KHDRBS3: variants seen among roughly 807,000 people sequenced by gnomAD.
KHDRBS3 encodes KH domain-containing, RNA-binding, signal transduction-associated protein 3.
Under a neutral mutation model 45.6 loss-of-function variants are expected in KHDRBS3, and 23 were observed. The observed-to-expected ratio is 0.50, with a 90% CI of 0.36 to 0.72. The LOEUF (loss-of-function observed/expected upper bound fraction) is 0.72, where lower values mean the gene tolerates loss of function less well. Among genes scored for constraint, KHDRBS3 ranks in the 30% least tolerant of loss-of-function variants. KHDRBS3 has a pLI of 0.00. For synonymous variants in KHDRBS3, 162 were observed against 156.5 expected (o/e 1.04, Z -0.26); for missense variants, 352 against 424.8 (o/e 0.83, Z 1.51).
At chr8:135,465,664 T>C (rs1175682526) in intron 1 of KHDRBS3, among the ~76,000 whole-genome samples, 1 of 152,214 alleles carries the variant, frequency 6.6e-6, no homozygotes, top group African/African-American at 2.4e-5. Context: ...AAAACATGTC[T>C]GGACACCCAG....
chr8:135,470,845 G>C (rs1244913972), intron 1 of KHDRBS3, among the ~76,000 whole-genome samples: 1 of 152,074 alleles, frequency 6.6e-6, no homozygotes, highest in African/African-American at 2.4e-5. Context: ...CTCGGCCTCT[G>C]AAAGTGCTGG....
intron 2 of KHDRBS3, among the ~76,000 whole-genome samples, chr8:135,534,944 A>G (rs1825660185): frequency 6.6e-6 from 1 of 152,216 alleles, no homozygotes; most frequent in Admixed American, 6.5e-5. Flanking sequence ...CAGGCAAACC[A>G]GCAGGAACTG....
chr8:135,548,512 G>A (rs559376374), intron 3 of KHDRBS3, among the ~76,000 whole-genome samples: 12 of 152,248 alleles, frequency 7.9e-5, no homozygotes, highest in African/African-American at 2.4e-4. Flanking sequence ...ACAAGTCAGC[G>A]TCTGGAGTGG....
chr8:135,528,641 G>C (rs1825314365), intron 2 of KHDRBS3, among the ~76,000 whole-genome samples: 1 of 152,118 alleles, frequency 6.6e-6, no homozygotes, highest in African/African-American at 2.4e-5. Context: ...AGACCTTTGT[G>C]GTGCTATAGC....
chr8:135,472,173 A>G, intron 1 of KHDRBS3, among the ~76,000 whole-genome samples: 1 of 152,196 alleles, frequency 6.6e-6, no homozygotes, highest in Non-Finnish European at 1.5e-5. Flanking sequence ...CATTTTTCAG[A>G]TAGGTGTACC....
chr8:135,531,138 T>C (rs963409032), intron 2 of KHDRBS3, among the ~76,000 whole-genome samples: 1 of 152,214 alleles, frequency 6.6e-6, no homozygotes, highest in African/African-American at 2.4e-5. Flanking sequence ...TTTCAGATTG[T>C]ATATTACTTG....
intron 7 of KHDRBS3, among the ~76,000 whole-genome samples, chr8:135,632,634 T>C (rs908549365): frequency 6.6e-6 from 1 of 152,034 alleles, no homozygotes; most frequent in Non-Finnish European, 1.5e-5. Context: ...GCTATCCTCT[T>C]CCCTTTCTCT....
intron 2 of KHDRBS3, among the ~76,000 whole-genome samples, chr8:135,528,440 A>AG (rs1825303237): frequency 1.3e-5 from 2 of 152,214 alleles, no homozygotes; most frequent in Admixed American, 1.3e-4. Flanking sequence ...TTTTACAGTC[A>AG]TAGAGATATG....
intron 7 of KHDRBS3, among the ~76,000 whole-genome samples, chr8:135,609,412 A>G (rs1194744181): frequency 6.6e-6 from 1 of 151,702 alleles, no homozygotes; most frequent in African/African-American, 2.4e-5. Context: ...CTTGTGCCTC[A>G]ACCTCCGGAG....
intron 1 of KHDRBS3, among the ~76,000 whole-genome samples, chr8:135,517,364 G>A (rs1446293762): frequency 1.3e-5 from 2 of 152,114 alleles, no homozygotes; most frequent in East Asian, 3.9e-4. Context: ...GTTAACTAGA[G>A]GGTCACATCC....
At chr8:135,654,042 C>A (rs952772199) in intron 4 of KHDRBS3, among the ~76,000 whole-genome samples, 79 of 152,100 alleles carry the variant, frequency 5.2e-4, no homozygotes, top group African/African-American at 1.8e-3. Context: ...ATGTATCTTT[C>A]CAGAGATAGT....
chr8:135,594,204 C>T (rs1828873316), intron 6 of KHDRBS3, among the ~76,000 whole-genome samples: 1 of 152,140 alleles, frequency 6.6e-6, no homozygotes, highest in Admixed American at 6.5e-5. Context: ...AATTAAAAAG[C>T]AATTTTAAAA....
intron 7 of KHDRBS3, among the ~76,000 whole-genome samples, chr8:135,639,065 G>T (rs1042038587): frequency 1.3e-5 from 2 of 152,164 alleles, no homozygotes; most frequent in Non-Finnish European, 2.9e-5. Context: ...CAAGGAAGAG[G>T]TGTAGTAATC....
At chr8:135,555,425 T>C (rs919493552) in intron 4 of KHDRBS3, among the ~76,000 whole-genome samples, 1 of 151,980 alleles carries the variant, frequency 6.6e-6, no homozygotes, top group African/African-American at 2.4e-5. Context: ...TAGTGTATTT[T>C]GTGTGTGGCC....
chr8:135,596,883 A>G (rs1243116840), intron 6 of KHDRBS3, among the ~76,000 whole-genome samples: 1 of 152,154 alleles, frequency 6.6e-6, no homozygotes, highest in African/African-American at 2.4e-5. Flanking sequence ...GACCCTGAGC[A>G]CAAAGTCTCT....
At chr8:135,459,912 A>G (rs1487674068) in intron 1 of KHDRBS3, among the ~76,000 whole-genome samples, 1 of 152,248 alleles carries the variant, frequency 6.6e-6, no homozygotes, top group African/African-American at 2.4e-5. Flanking sequence ...AGTAATTCTT[A>G]TAAGAAGTAT....
At chr8:135,463,278 T>C (rs1243438628) in intron 1 of KHDRBS3, among the ~76,000 whole-genome samples, 2 of 152,164 alleles carry the variant, frequency 1.3e-5, no homozygotes, top group South Asian at 2.1e-4. Context: ...TCATTAAGGG[T>C]AGCAGAATCA....
At chr8:135,626,143 C>T (rs1232284373) in intron 7 of KHDRBS3, among the ~76,000 whole-genome samples, 2 of 152,164 alleles carry the variant, frequency 1.3e-5, no homozygotes, top group Admixed American at 1.3e-4. Context: ...AACAGCTGTC[C>T]TTCATATATG....
At chr8:135,567,542 C>T (rs1051227537) in intron 5 of KHDRBS3, among the ~76,000 whole-genome samples, 2 of 152,224 alleles carry the variant, frequency 1.3e-5, no homozygotes, top group Non-Finnish European at 2.9e-5. Context: ...GTGTGTTAAT[C>T]TCCAGACTAG....
Sources: gnomAD v4.1 joint callset for allele counts (sites outside exome capture counted in the v4.1 genomes callset) on GRCh38, gnomAD v4.1.1 for gene constraint, MANE v1.5 for transcripts, NCBI Gene and HGNC (gene_info 2026-07-23, HGNC 2026-07-21) for gene names.